Variants in NDUFA10 observed in about 807,000 individuals in gnomAD.
NDUFA10 encodes NADH dehydrogenase [ubiquinone] 1 alpha subcomplex subunit 10, mitochondrial.
A neutral mutation model predicts 47.8 loss-of-function variants in NDUFA10; 40 were observed. The observed-to-expected ratio is 0.84, with a 90% CI of 0.65 to 1.09. The LOEUF is 1.09. NDUFA10 is among the 50% of genes least tolerant of loss of function. The probability of loss-of-function intolerance (pLI) is 0.00; values close to 1 mark genes in which losing one functional copy is unlikely to be tolerated. For synonymous variants in NDUFA10, 183 were observed against 172.2 expected, an observed-to-expected ratio of 1.06 and a Z score of -0.49; for missense variants, 413 against 451.1, an observed-to-expected ratio of 0.92 and a Z score of 0.76.
rs1248606807 is a variant in NDUFA10 at position 239,960,099 on chromosome 2, C to T, written c.*1019G>A. On this transcript the variant is annotated 3_prime_UTR_variant, in exon 10 of 10. Transcript: ENST00000252711. ...TTCAATACCCACATGTGGCTAGGAG[C>T]TACCATATTGGACACAGTGGAGCTT... The T allele has an allele frequency of 1.0e-6, 1 of 985,422 alleles. No homozygotes were observed. Among genetic ancestry groups the T allele is most frequent in the East Asian group, 1.1e-4 (1 of 8,818 alleles). The allele number at this position is 985,422 out of a possible 1,614,324, so 61.0% of individuals were successfully genotyped here.
chr2:239,942,510 T>A (rs1288698246), intron 4 of NDUFA10, among the ~76,000 whole-genome samples: 2 of 152,276 alleles, frequency 1.3e-5, no homozygotes, highest in African/African-American at 4.8e-5. Flanking sequence ...TCTGTTTGCT[T>A]CCTGAGGTCT....
chr2:239,991,911 A>C (rs1178172169), intron 8 of NDUFA10, among the ~76,000 whole-genome samples: 1 of 152,236 alleles, frequency 6.6e-6, no homozygotes, highest in African/African-American at 2.4e-5. Flanking sequence ...TCTATGCTTA[A>C]TTTGGCAACA....
chr2:239,960,839 G>A lies in NDUFA10; in HGVS notation c.*279C>T. 7.4e-7 allele frequency: 1 copy of A among 1,352,416 alleles called. No individual in the cohort carries two copies. Among genetic ancestry groups the A allele is most frequent in the South Asian group, 1.5e-5 (1 of 66,886 alleles). 83.8% of individuals were successfully genotyped at this position (1,352,416 alleles called of 1,614,324 possible). Reference sequence around the variant, plus strand: ...GCGCTGAAACCACAGGGGCTGCCGAGAGCTGGCCTTTCACAGCAGACCACT... The same window carrying A: ...GCGCTGAAACCACAGGGGCTGCCGAAAGCTGGCCTTTCACAGCAGACCACT... On this transcript the variant is annotated 3_prime_UTR_variant, in exon 10 of 10. Transcript: ENST00000252711.
intron 4 of NDUFA10, among the ~76,000 whole-genome samples, chr2:239,920,392 C>T (rs964736002): frequency 6.6e-6 from 1 of 152,226 alleles, no homozygotes; most frequent in Non-Finnish European, 1.5e-5. Flanking sequence ...GGCACAGTGC[C>T]TGCTCAGCCC....
chr2:239,918,672 T>C (rs1693917819), intron 4 of NDUFA10, among the ~76,000 whole-genome samples: 2 of 152,308 alleles, frequency 1.3e-5, no homozygotes, highest in Middle Eastern at 3.4e-3. Flanking sequence ...TTCTCTCTCC[T>C]CCACTTTATT....
intron 9 of NDUFA10, among the ~76,000 whole-genome samples, chr2:239,967,689 G>A (rs1025225188): frequency 3.9e-5 from 6 of 152,228 alleles, no homozygotes; most frequent in African/African-American, 1.4e-4. Context: ...GGAACAGGGT[G>A]ATTCTCCAGC....
intron 9 of NDUFA10, among the ~76,000 whole-genome samples, chr2:239,988,217 T>C (rs1254369088): frequency 1.3e-5 from 2 of 152,180 alleles, no homozygotes; most frequent in South Asian, 2.1e-4. Flanking sequence ...ATCATGCATA[T>C]ACTAACCAAA....
In NDUFA10 at chr2:240,011,676, G is replaced by A; in HGVS notation, c.690C>T (p.Thr230=). The A allele has an allele frequency of 1.2e-6, 2 of 1,613,330 alleles. No individual in the cohort carries two copies. Among genetic ancestry groups the A allele is most frequent in the Non-Finnish European group, 1.7e-6 (2 of 1,179,258 alleles). ...TCTCAATGTCCTGTAGATAGGCAGA[G>A]GTGATCTTCATTTCATGTGGCTAAA... is the stretch of plus-strand genomic sequence containing the variant. The part of the protein sequence containing the change: ...KKGDPHEMKI[T]SAYLQDIENA... The change falls in exon 6 of 10, where the codon ACC becomes ACT. Residue 230 remains threonine, a synonymous_variant. Transcript: ENST00000252711.
intron 9 of NDUFA10, chr2:239,969,502 T>C (rs888103678): frequency 5.4e-6 from 2 of 368,430 alleles, no homozygotes; most frequent in South Asian, 4.1e-5. Context: ...GCCTGGTCAG[T>C]GATGGAGCAC....
At chr2:239,950,113 T>A (rs1423618442) in intron 4 of NDUFA10, among the ~76,000 whole-genome samples, 1 of 152,074 alleles carries the variant, frequency 6.6e-6, no homozygotes, top group Non-Finnish European at 1.5e-5. Context: ...CACCTCAGAG[T>A]GGGCTCACGA....
intron 4 of NDUFA10, among the ~76,000 whole-genome samples, chr2:239,931,661 T>C (rs909560813): frequency 1.3e-5 from 2 of 152,186 alleles, no homozygotes; most frequent in South Asian, 2.1e-4. Flanking sequence ...AGTGAATGAA[T>C]ACAAGCTCAG....
chr2:239,979,836 G>A (rs988282822), intron 9 of NDUFA10, among the ~76,000 whole-genome samples: 2 of 152,106 alleles, frequency 1.3e-5, no homozygotes, highest in African/African-American at 4.8e-5. Flanking sequence ...GCGGACCCCG[G>A]CTGACCTTGG....
At chr2:239,962,635 A>G (rs890603693) in intron 9 of NDUFA10, among the ~76,000 whole-genome samples, 4 of 152,194 alleles carry the variant, frequency 2.6e-5, no homozygotes, top group Non-Finnish European at 5.9e-5. Flanking sequence ...ACTGCTATAA[A>G]GACATACCCG....
rs1435166807 is a variant in NDUFA10, at chr2:239,914,484, GAC to G, written c.295-19172_295-19171del. Among the ~76,000 whole-genome samples the G allele has an allele frequency of 8.4e-5, 10 of 118,908 alleles. No homozygotes were observed. In the South Asian group the frequency reaches 1.6e-3, roughly 19 times the overall value. The allele number at this position is 118,908 out of a possible 152,430, so 78.0% of individuals were successfully genotyped here. ...ACACACACAGACACACACAAATATA[GAC>G]ACACACAGAGATACACAAACATACA... On this transcript the variant is annotated intron_variant, in intron 4 of 5. Transcript: ENST00000419408.
intron 2 of NDUFA10, among the ~76,000 whole-genome samples, chr2:240,021,613 G>A (rs1463498254): frequency 6.6e-6 from 1 of 152,214 alleles, no homozygotes. Context: ...GCATGTGAGC[G>A]AAAGAGCTTG....
At chr2:239,938,573 T>C (rs928052850) in intron 4 of NDUFA10, among the ~76,000 whole-genome samples, 5 of 152,218 alleles carry the variant, frequency 3.3e-5, no homozygotes, top group African/African-American at 1.2e-4. Context: ...CGTCTCTTCC[T>C]GCCCAGTGGG....
chr2:240,017,892 C>T lies in NDUFA10; in HGVS notation c.547+661G>A, dbSNP rs766179025. 6 of 1,566,168 alleles carry T rather than the reference C, an allele frequency of 3.8e-6. No homozygotes were observed. In the Admixed American group the frequency reaches 1.1e-4, roughly 29 times the overall value. On this transcript the variant is annotated intron_variant, in intron 4 of 9. Coordinates refer to ENST00000252711, the MANE Select transcript of NDUFA10 (RefSeq NM_004544.4). ...CCCAGATTCCAGCTTTCCACTGGCT[C>T]CAGCCACCCCAGTCTACAGATGAAA...
In NDUFA10 at chr2:239,919,899, A is replaced by AG. The variant is rs1242367547; in HGVS notation, c.295-24586dup. On this transcript the variant is annotated intron_variant, in intron 4 of 5. Transcript: ENST00000419408. The stretch of plus-strand genomic sequence containing the variant: ...GGGGCCGCCCAGGTCTGCCATAGGG[A>AG]GGCAAGGAGGCTGGTGCCCCTGCCT... Among the ~76,000 whole-genome samples, 9 of 152,102 alleles carry AG rather than the reference A, an allele frequency of 5.9e-5. No homozygotes were observed. In the Middle Eastern group the frequency reaches 0.024, roughly 402 times the overall value.
At position 239,928,745 on chromosome 2, in the gene NDUFA10, G is replaced by A. The variant is rs1694107067; in HGVS notation, c.295-33431C>T. ...CAGGTCCCTCTGTGCAAGGATGTCA[G>A]ACCCTTCCGCGTTCCCTGCAGCGTC... On this transcript the variant is annotated intron_variant, in intron 4 of 5. Transcript: ENST00000419408. The surrounding 1 kb of genome is among the most constrained non-coding windows in gnomAD (Gnocchi z 4.3). Among the ~76,000 whole-genome samples, 1 of 152,124 alleles carries A rather than the reference G, an allele frequency of 6.6e-6. No individual in the cohort carries two copies. Among genetic ancestry groups the A allele is most frequent in the Non-Finnish European group, 1.5e-5 (1 of 68,024 alleles).
Sources: allele counts gnomAD v4.1 joint callset (sites outside exome capture counted in the v4.1 genomes callset), GRCh38; gene constraint gnomAD v4.1.1; non-coding constraint Gnocchi (gnomAD v3.1); transcripts MANE v1.5; gene names NCBI Gene and HGNC (gene_info 2026-07-23, HGNC 2026-07-21).